ASIC2: variants seen among roughly 807,000 people sequenced by gnomAD.
The protein encoded by ASIC2 is acid sensing ion channel subunit 2.
A neutral mutation model predicts 57.3 loss-of-function variants in ASIC2; 25 were observed. The ratio of observed to expected loss-of-function variants is 0.44; its 90% CI spans 0.32 to 0.61. ASIC2 has a LOEUF of 0.61. Ranked by LOEUF, ASIC2 falls within the 20% of genes least tolerant of loss-of-function variation. ASIC2 has a pLI of 0.06. For missense variants in ASIC2, 641 were observed against 738.1 expected (o/e 0.87, Z 1.52); for synonymous variants, 319 against 307.5 (o/e 1.04, Z -0.39).
intron 1 of ASIC2, among the ~76,000 whole-genome samples, chr17:34,153,644 C>T (rs1012744985): frequency 1.3e-5 from 2 of 152,188 alleles, no homozygotes; most frequent in Non-Finnish European, 2.9e-5. Flanking sequence ...GCTGGAGCCT[C>T]GTTGGGCTGT....
chr17:33,983,853 G>A (rs544128756), intron 1 of ASIC2, among the ~76,000 whole-genome samples: 1 of 152,114 alleles, frequency 6.6e-6, no homozygotes, highest in Non-Finnish European at 1.5e-5. Flanking sequence ...CAGGGGTGCT[G>A]CTGAACATTC....
chr17:34,099,760 AAG>A (rs1910776850), intron 1 of ASIC2, among the ~76,000 whole-genome samples: 2 of 20,656 alleles, frequency 9.7e-5, no homozygotes, highest in African/African-American at 2.7e-4. Flanking sequence ...GAAAGAAAGA[AAG>A]AAAGAAAGAA....
At chr17:33,294,686 C>T (rs1166530680), upstream of ASIC2, among the ~76,000 whole-genome samples, 1 of 152,130 alleles carries the variant, frequency 6.6e-6, no homozygotes, top group Non-Finnish European at 1.5e-5. Context: ...AACATATACA[C>T]TTAAATGCAT....
At chr17:34,109,043 T>C (rs1210567685) in intron 1 of ASIC2, among the ~76,000 whole-genome samples, 1 of 27,924 alleles carries the variant, frequency 3.6e-5, no homozygotes, top group Admixed American at 3.0e-4. Flanking sequence ...TATTTTATTT[T>C]ATTTTATTTT....
At chr17:33,192,306 C>T (rs969566377) in intron 1 of ASIC2, among the ~76,000 whole-genome samples, 3 of 151,986 alleles carry the variant, frequency 2.0e-5, no homozygotes, top group Non-Finnish European at 4.4e-5. Context: ...TTGCTTGAAC[C>T]CAGGAGGCAG....
At chr17:34,069,153 G>T (rs866916447) in intron 1 of ASIC2, among the ~76,000 whole-genome samples, 5 of 151,934 alleles carry the variant, frequency 3.3e-5, no homozygotes, top group African/African-American at 4.8e-5. Flanking sequence ...GCTGGCAAAC[G>T]CTAAAAATTT....
At chr17:33,846,874 C>T (rs1159517576) in intron 1 of ASIC2, among the ~76,000 whole-genome samples, 4 of 152,090 alleles carry the variant, frequency 2.6e-5, no homozygotes, top group East Asian at 3.9e-4. Context: ...TTTAAGTCTA[C>T]GGTCTCTTCC....
chr17:33,464,196 C>T (rs547443925), intron 1 of ASIC2, among the ~76,000 whole-genome samples: 12 of 152,296 alleles, frequency 7.9e-5, no homozygotes, highest in African/African-American at 2.9e-4. Flanking sequence ...TTAGCTAGCT[C>T]TTGACCCTGC....
chr17:33,505,769 T>C (rs569572162), intron 1 of ASIC2, among the ~76,000 whole-genome samples: 2 of 152,344 alleles, frequency 1.3e-5, no homozygotes, highest in East Asian at 3.9e-4. Context: ...CTTTCTCATC[T>C]GTGAACTCTC....
intron 1 of ASIC2, among the ~76,000 whole-genome samples, chr17:33,409,716 C>T (rs1468145938): frequency 6.6e-6 from 1 of 152,128 alleles, no homozygotes; most frequent in Non-Finnish European, 1.5e-5. Flanking sequence ...GGGAGCTGGA[C>T]CATTTGTCTT....
intron 3 of ASIC2, among the ~76,000 whole-genome samples, chr17:33,033,496 C>T (rs1171343413): frequency 6.6e-6 from 1 of 152,152 alleles, no homozygotes; most frequent in Non-Finnish European, 1.5e-5. Context: ...AGCTGCCCTC[C>T]CAGGTGCAGG....
At chr17:33,734,193 G>C (rs926319116) in intron 1 of ASIC2, among the ~76,000 whole-genome samples, 1 of 151,030 alleles carries the variant, frequency 6.6e-6, no homozygotes, top group African/African-American at 2.4e-5. Flanking sequence ...CAGTGCTCCC[G>C]TGTGAGGCCA....
chr17:33,121,640 G>A (rs969085181), intron 1 of ASIC2, among the ~76,000 whole-genome samples: 2 of 152,104 alleles, frequency 1.3e-5, no homozygotes, highest in African/African-American at 4.8e-5. Context: ...CATCATTCCA[G>A]CTGTCTTCCA....
intron 1 of ASIC2, among the ~76,000 whole-genome samples, chr17:33,148,909 C>A (rs535346311): frequency 6.6e-6 from 1 of 152,212 alleles, no homozygotes; most frequent in South Asian, 2.1e-4. Context: ...GCCTGGCCAA[C>A]GTGGTGAAAC....
intron 1 of ASIC2, among the ~76,000 whole-genome samples, chr17:33,822,488 G>C (rs1912775573): frequency 6.6e-6 from 1 of 152,144 alleles, no homozygotes; most frequent in Non-Finnish European, 1.5e-5. Flanking sequence ...TATTTTAATA[G>C]ATCATTGAAG....
chr17:33,739,964 AAAAGAAGAAAG>A (rs1245329450), intron 1 of ASIC2, among the ~76,000 whole-genome samples: 1 of 127,378 alleles, frequency 7.9e-6, no homozygotes, highest in Non-Finnish European at 1.9e-5. Context: ...AAAGAGAAAG[AAAAGAAGAAAG>A]AAAGAAAGAA....
chr17:33,768,574 G>A (rs1911003138), intron 1 of ASIC2, among the ~76,000 whole-genome samples: 1 of 152,174 alleles, frequency 6.6e-6, no homozygotes, highest in African/African-American at 2.4e-5. Context: ...AATAGAAGCA[G>A]GAGGCAGAGA....
chr17:33,953,950 A>C (rs1904657865), intron 1 of ASIC2, among the ~76,000 whole-genome samples: 1 of 152,204 alleles, frequency 6.6e-6, no homozygotes, highest in African/African-American at 2.4e-5. Context: ...TCCATGGTAC[A>C]TTCTTTGGGC....
At chr17:33,856,864 T>C (rs1450429222) in intron 1 of ASIC2, among the ~76,000 whole-genome samples, 1 of 151,692 alleles carries the variant, frequency 6.6e-6, no homozygotes, top group Non-Finnish European at 1.5e-5. Context: ...AGCTAGAAGG[T>C]GAGGCTGAAA....
Sources: allele counts gnomAD v4.1 joint callset (sites outside exome capture counted in the v4.1 genomes callset), GRCh38; gene constraint gnomAD v4.1.1; transcripts MANE v1.5; gene names NCBI Gene and HGNC (gene_info 2026-07-23, HGNC 2026-07-21).